RAB37: variants seen among roughly 807,000 people sequenced by gnomAD.
RAB37 encodes ras-related protein Rab-37.
RAB37 carries 29 observed loss-of-function variants against 33.1 expected under a neutral mutation model. The observed-to-expected ratio is 0.88, with a 90% CI of 0.65 to 1.20. The LOEUF (loss-of-function observed/expected upper bound fraction) is 1.20. Ranked by LOEUF, RAB37 falls within the 50% of genes most tolerant of loss-of-function variation. The pLI is 0.00. For synonymous variants in RAB37, 128 were observed against 119.5 expected (o/e 1.07, Z -0.47); for missense variants, 299 against 301.1 (o/e 0.99, Z 0.05).
Position 74,745,074 on chromosome 17 carries a change from G to A in RAB37, c.556G>A (p.Ala186Thr), listed in dbSNP as rs1567817307. Residue 186 changes from alanine to threonine, a missense_variant, in exon 8 of 9, where the codon GCC becomes ACC. Ala to Thr is a moderately conservative substitution (Grantham distance 58). Coordinates refer to ENST00000392613, the MANE Select transcript of RAB37 (RefSeq NM_001006638.3). The surrounding 1 kb of genome is among the most constrained non-coding windows in gnomAD (Gnocchi z 4.5). ...TGMNVELAFL[A>T]IAKELKYRAG... The stretch of plus-strand genomic sequence containing the variant: ...CATGAATGTGGAGTTAGCCTTTCTG[G>A]CCATCGCCAAGTGAGAGCTGGGCAG... 1.9e-6 allele frequency: 3 copies of A among 1,614,186 alleles called. No individual in the cohort carries two copies. Among genetic ancestry groups the A allele is most frequent in the Non-Finnish European group, 2.5e-6 (3 of 1,180,038 alleles).
chr17:74,735,960 C>T (rs1334701458), upstream of RAB37, among the ~76,000 whole-genome samples: 3 of 152,166 alleles, frequency 2.0e-5, no homozygotes, highest in African/African-American at 4.8e-5. Context: ...AATCCCAGCA[C>T]TTTGGGAGGC....
chr17:74,729,490 G>T lies in RAB37; in HGVS notation c.183+124G>T. On this transcript the variant is annotated intron_variant, in intron 2 of 7. Transcript: ENST00000340415. The surrounding 1 kb of genome is among the most constrained non-coding windows in gnomAD (Gnocchi z 4.2). ...ATCATTCAAGGAGGATTAAGGAGAA[G>T]ACTGTTCCCCAAGGTGTAGGAGGGT... is the stretch of plus-strand genomic sequence containing the variant. 1.3e-6 allele frequency: 1 copy of T among 756,126 alleles called. No individual in the cohort carries two copies. Among genetic ancestry groups the T allele is most frequent in the Non-Finnish European group, 2.4e-6 (1 of 421,174 alleles). The allele number at this position is 756,126 out of a possible 1,614,324, so 46.8% of individuals were successfully genotyped here. A position where few individuals can be genotyped will look rare whatever the true frequency, so the allele number is the denominator to read the frequency against.
rs140298228 is a variant in RAB37, at chr17:74,729,288, G to C, written c.105G>C (p.Lys35Asn). The C allele has an allele frequency of 2.5e-6, 4 of 1,614,090 alleles. No individual in the cohort carries two copies. Among genetic ancestry groups the C allele is most frequent in the Non-Finnish European group, 3.4e-6 (4 of 1,179,998 alleles). ...TGGTGGGTGACAGTGGTGTGGGAAAGACGTCTCTGCTGGTTCAGTTCGATC... is the reference window on the plus strand; with the variant it reads ...TGGTGGGTGACAGTGGTGTGGGAAACACGTCTCTGCTGGTTCAGTTCGATC... The change falls in exon 2 of 8, where the codon AAG becomes AAC. Residue 35 changes from lysine to asparagine, a missense_variant. Coordinates refer to the RAB37 transcript ENST00000340415. The surrounding 1 kb of genome is among the most constrained non-coding windows in gnomAD (Gnocchi z 4.2).
chr17:74,721,010 C>T (rs773649078), intron 1 of RAB37, among the ~76,000 whole-genome samples: 2 of 152,152 alleles, frequency 1.3e-5, no homozygotes, highest in African/African-American at 2.4e-5. Flanking sequence ...TATCCGTATG[C>T]TCCGATGCTC....
intron 1 of RAB37, among the ~76,000 whole-genome samples, chr17:74,702,015 T>G (rs566604127): frequency 1.7e-4 from 25 of 150,746 alleles, no homozygotes; most frequent in African/African-American, 5.1e-4. Flanking sequence ...AGCAAGACTG[T>G]CTAAAAATAA....
upstream of RAB37, chr17:74,736,479 G>A: frequency 1.5e-6 from 2 of 1,371,770 alleles, no homozygotes; most frequent in Middle Eastern, 2.7e-4. Context: ...AATGATCTAC[G>A]ACTTCATGAA....
At chr17:74,683,852 G>A (rs1475143674) in intron 1 of RAB37, among the ~76,000 whole-genome samples, 1 of 152,178 alleles carries the variant, frequency 6.6e-6, no homozygotes, top group Non-Finnish European at 1.5e-5. Flanking sequence ...TCACTGTCGA[G>A]GGGTGGTTGC....
Position 74,671,452 on chromosome 17 carries a change from G to C in RAB37, c.-135G>C. ...CGCGGCCGCTGCGGGGAACTGTCCA[G>C]TGCTGAAAACGGATGCGGCCCGGCC... is the stretch of plus-strand genomic sequence containing the variant. On this transcript the variant is annotated 5_prime_UTR_variant, in exon 1 of 8. Coordinates refer to the RAB37 transcript ENST00000340415. The surrounding 1 kb of genome is among the most constrained non-coding windows in gnomAD (Gnocchi z 5.0). 1 of 779,962 alleles carries C rather than the reference G, an allele frequency of 1.3e-6. No homozygotes were observed. The highest frequency in any genetic ancestry group is 2.1e-6 in the Non-Finnish European group (1 of 478,540). The allele number at this position is 779,962 out of a possible 1,614,324, so 48.3% of individuals were successfully genotyped here.
intron 1 of RAB37, chr17:74,694,645 A>T (rs893360435): frequency 6.5e-6 from 1 of 153,240 alleles, no homozygotes; most frequent in Non-Finnish European, 1.5e-5. Flanking sequence ...CTTAACTTAC[A>T]TACATCTGCA....
chr17:74,737,231 C>G, upstream of RAB37: 1 of 1,538,140 alleles, frequency 6.5e-7, no homozygotes, highest in East Asian at 2.4e-5. Context: ...CTGCGCTCTC[C>G]TTCGCCTGCG....
chr17:74,675,816 ACCCAGGCAAG>A (rs1251448902), intron 1 of RAB37, among the ~76,000 whole-genome samples: 1 of 152,196 alleles, frequency 6.6e-6, no homozygotes, highest in Non-Finnish European at 1.5e-5. Context: ...TTGGAGGCTG[ACCCAGGCAAG>A]CCCAAGTAAC....
At chr17:74,674,624 G>A (rs1168076544) in intron 1 of RAB37, among the ~76,000 whole-genome samples, 1 of 152,016 alleles carries the variant, frequency 6.6e-6, no homozygotes, top group Non-Finnish European at 1.5e-5. Context: ...ACTGCAGTGA[G>A]CCAAGATCAC....
intron 1 of RAB37, among the ~76,000 whole-genome samples, chr17:74,714,705 G>A (rs1040053316): frequency 2.6e-5 from 4 of 152,138 alleles, no homozygotes; most frequent in African/African-American, 9.7e-5. Context: ...AAGGAAGGAA[G>A]GAAGAAAGGA....
chr17:74,684,263 T>C (rs2032009442), intron 1 of RAB37, among the ~76,000 whole-genome samples: 1 of 150,930 alleles, frequency 6.6e-6, no homozygotes, highest in African/African-American at 2.4e-5. Flanking sequence ...GAAGCCCTGT[T>C]AATTTTTTTT....
rs896283288 is a variant in RAB37 at position 74,729,113 on chromosome 17, TTG to T, written c.73-131_73-130del. On this transcript the variant is annotated intron_variant, in intron 1 of 7. Coordinates refer to the RAB37 transcript ENST00000340415. The surrounding 1 kb of genome is among the most constrained non-coding windows in gnomAD (Gnocchi z 4.2). ...ATGTCTGTATGTGTGTGTCAGTGTC[TTG>T]TGTGTGTGTGTTTCTGTGTGTGTGT... 413 of 665,170 alleles carry T rather than the reference TTG, an allele frequency of 6.2e-4. No homozygotes were observed. The highest frequency in any genetic ancestry group is 7.2e-4 in the South Asian group (44 of 60,794). The allele number at this position is 665,170 out of a possible 1,614,324, so 41.2% of individuals were successfully genotyped here.
chr17:74,703,029 G>A, intron 1 of RAB37: 1 of 1,610,064 alleles, frequency 6.2e-7, no homozygotes, highest in Non-Finnish European at 8.5e-7. Context: ...ACCAGAGCTG[G>A]CTTACCTGTT....
chr17:74,674,601 C>T (rs150873794), intron 1 of RAB37, among the ~76,000 whole-genome samples: 303 of 152,114 alleles, frequency 2.0e-3, no homozygotes, highest in Middle Eastern at 6.8e-3. Context: ...TCACTTGAAC[C>T]GAGGAGGTGG....
chr17:74,705,225 C>A (rs1329842592), intron 1 of RAB37: 1 of 702,338 alleles, frequency 1.4e-6, no homozygotes, highest in Non-Finnish European at 2.6e-6. Context: ...GCACTGATGA[C>A]CCTCATGAGG....
chr17:74,740,918 G>C, intron 2 of RAB37, 40 bp downstream of exon 2: 2 of 1,452,600 alleles, frequency 1.4e-6, no homozygotes, highest in Non-Finnish European at 1.9e-6. Context: ...CAGAGAGCCA[G>C]GGCTGTGGCT....
Sources: allele counts gnomAD v4.1 joint callset (sites outside exome capture counted in the v4.1 genomes callset), GRCh38; gene constraint gnomAD v4.1.1; non-coding constraint Gnocchi (gnomAD v3.1); transcripts MANE v1.5; gene names NCBI Gene and HGNC (gene_info 2026-07-23, HGNC 2026-07-21).